Variants in FAM168A observed in about 807,000 individuals in gnomAD.
FAM168A encodes the protein protein FAM168A.
Under a neutral mutation model 28.5 loss-of-function variants are expected in FAM168A, and 3 were observed. The observed-to-expected ratio is 0.11, with a 90% confidence interval of 0.05 to 0.27. FAM168A has a LOEUF of 0.27. Among genes scored for constraint, FAM168A ranks in the 10% least tolerant of loss-of-function variants. FAM168A has a pLI of 1.00. For synonymous variants in FAM168A, 122 were observed against 124.2 expected (o/e 0.98, Z 0.12); for missense variants, 222 against 311.5 (o/e 0.71, Z 2.16).
At chr11:73,536,226 GAAAGCCCCAACATAAAAGACAGA>G (rs1218361011) in intron 1 of FAM168A, among the ~76,000 whole-genome samples, 1 of 152,078 alleles carries the variant, frequency 6.6e-6, no homozygotes, top group Non-Finnish European at 1.5e-5. Flanking sequence ...AGATATACAG[GAAAGCCCCAACATAAAAGACAGA>G]ATTCAGATCC....
Position 73,468,421 on chromosome 11 carries a change from C to T in FAM168A, c.54G>A (p.Lys18=). ...VQPGAPYGNP[K]NMAYTGYPTA... Reference sequence around the variant, plus strand: ...ACTACTCACCCGTGTAGGCCATGTTCTTAGGGTTGCCATAAGGAGCCCCAG... The same window carrying T: ...ACTACTCACCCGTGTAGGCCATGTTTTTAGGGTTGCCATAAGGAGCCCCAG... Residue 18 remains lysine (K), a synonymous_variant, in exon 2 of 8, where the codon AAG becomes AAA. Transcript: ENST00000356467. 1 of 1,614,130 alleles carries T rather than the reference C, an allele frequency of 6.2e-7. No individual in the cohort carries two copies. The highest frequency in any genetic ancestry group is 1.1e-5 in the South Asian group (1 of 91,076).
chr11:73,421,973 A>T (rs1284684869), intron 3 of FAM168A, among the ~76,000 whole-genome samples: 1 of 152,240 alleles, frequency 6.6e-6, no homozygotes. Context: ...GTGACCATTA[A>T]AGTTAGTAAA....
chr11:73,445,494 G>A (rs529667406), intron 2 of FAM168A, among the ~76,000 whole-genome samples: 8 of 130,420 alleles, frequency 6.1e-5, no homozygotes, highest in Admixed American at 1.9e-4. Flanking sequence ...GGTCTCTCCT[G>A]GCTTCAAGTG....
At chr11:73,418,396 C>T (rs61896586) in intron 4 of FAM168A, among the ~76,000 whole-genome samples, 1 of 152,178 alleles carries the variant, frequency 6.6e-6, no homozygotes, top group Admixed American at 6.5e-5. Flanking sequence ...TCCTCTTTTG[C>T]CTTCCGCCAT....
intron 1 of FAM168A, among the ~76,000 whole-genome samples, chr11:73,552,600 G>A (rs1431411020): frequency 1.3e-5 from 2 of 152,064 alleles, no homozygotes; most frequent in Non-Finnish European, 2.9e-5. Flanking sequence ...TTTCTATCTA[G>A]TACTTAGCAT....
intron 1 of FAM168A, among the ~76,000 whole-genome samples, chr11:73,564,351 A>G (rs547895302): frequency 5.5e-4 from 83 of 152,266 alleles, no homozygotes; most frequent in Admixed American, 2.8e-3. Flanking sequence ...GCAAACTACA[A>G]ATGTCCACCT....
At chr11:73,534,906 C>T (rs1324498528) in intron 1 of FAM168A, among the ~76,000 whole-genome samples, 4 of 152,140 alleles carry the variant, frequency 2.6e-5, no homozygotes, top group East Asian at 3.9e-4. Context: ...GGTTACTATA[C>T]AGCAAAGAAG....
intron 1 of FAM168A, among the ~76,000 whole-genome samples, chr11:73,484,548 C>A (rs61896593): frequency 1.8e-3 from 226 of 124,814 alleles, no homozygotes; most frequent in African/African-American, 8.1e-3. Flanking sequence ...ATATATCTAT[C>A]TATATCTATA....
intron 2 of FAM168A, among the ~76,000 whole-genome samples, chr11:73,433,228 G>A (rs1286164495): frequency 6.6e-6 from 1 of 151,292 alleles, no homozygotes; most frequent in African/African-American, 2.4e-5. Flanking sequence ...TTTTCATTGG[G>A]TGGTTTGTCT....
intron 1 of FAM168A, among the ~76,000 whole-genome samples, chr11:73,596,967 C>T (rs1042307381): frequency 2.0e-5 from 3 of 152,122 alleles, no homozygotes; most frequent in Non-Finnish European, 2.9e-5. Context: ...TCACCCCTGC[C>T]GCTATCCTTT....
intron 1 of FAM168A, among the ~76,000 whole-genome samples, chr11:73,570,193 C>T (rs921858087): frequency 1.4e-4 from 21 of 152,184 alleles, no homozygotes; most frequent in African/African-American, 4.8e-4. Context: ...ATCACAGCTG[C>T]ATCCCTTCAT....
At chr11:73,512,019 G>A (rs1164062371) in intron 1 of FAM168A, among the ~76,000 whole-genome samples, 1 of 152,120 alleles carries the variant, frequency 6.6e-6, no homozygotes, top group African/African-American at 2.4e-5. Context: ...GCAAACAGGG[G>A]AAGTATTTTA....
chr11:73,443,784 T>C (rs1336848243), intron 2 of FAM168A, among the ~76,000 whole-genome samples: 2 of 152,228 alleles, frequency 1.3e-5, no homozygotes, highest in Admixed American at 6.5e-5. Flanking sequence ...TTTTAAAAAA[T>C]AGACACAATC....
chr11:73,591,053 A>C (rs1944374900), intron 1 of FAM168A, among the ~76,000 whole-genome samples: 1 of 152,228 alleles, frequency 6.6e-6, no homozygotes, highest in Non-Finnish European at 1.5e-5. Flanking sequence ...CTAAGGTAGA[A>C]GAATCACTTG....
chr11:73,502,597 C>T (rs1166697166), intron 1 of FAM168A, among the ~76,000 whole-genome samples: 13 of 152,128 alleles, frequency 8.5e-5, no homozygotes, highest in African/African-American at 2.2e-4. Flanking sequence ...CCTCCTGAAA[C>T]TATTCTAAAC....
intron 1 of FAM168A, among the ~76,000 whole-genome samples, chr11:73,589,495 GA>G (rs780232062): frequency 0.023 from 1,471 of 64,914 alleles, 17 homozygotes; most frequent in African/African-American, 0.072. Flanking sequence ...CTGATAAGCT[GA>G]AAAAAAAAAA....
chr11:73,527,765 C>T (rs1255880937), intron 1 of FAM168A, among the ~76,000 whole-genome samples: 1 of 151,478 alleles, frequency 6.6e-6, no homozygotes, highest in Non-Finnish European at 1.5e-5. Flanking sequence ...CTGTTCTATG[C>T]TAAATGACAA....
chr11:73,546,765 A>G (rs1006812347), intron 1 of FAM168A, among the ~76,000 whole-genome samples: 2 of 151,522 alleles, frequency 1.3e-5, no homozygotes, highest in East Asian at 3.9e-4. Context: ...TGTGATGAAG[A>G]TGATTTTTAG....
intron 1 of FAM168A, among the ~76,000 whole-genome samples, chr11:73,479,949 GT>G (rs1867945678): frequency 6.6e-6 from 1 of 151,988 alleles, no homozygotes; most frequent in African/African-American, 2.4e-5. Context: ...CATTTCAGTG[GT>G]TTTTTTCTTA....
Sources: allele counts gnomAD v4.1 joint callset (sites outside exome capture counted in the v4.1 genomes callset), GRCh38; gene constraint gnomAD v4.1.1; transcripts MANE v1.5; gene names NCBI Gene and HGNC (gene_info 2026-07-23, HGNC 2026-07-21).